The following MAP3K5 variants were observed in gnomAD, a reference collection of about 807,000 sequenced individuals.
MAP3K5 encodes the protein ASK-1.
Under a neutral mutation model 158.7 loss-of-function variants are expected in MAP3K5, and 56 were observed. The observed-to-expected ratio is 0.35, with a 90% CI of 0.28 to 0.44. The LOEUF (loss-of-function observed/expected upper bound fraction) is 0.44. Ranked by LOEUF, MAP3K5 falls within the 20% of genes least tolerant of loss-of-function variation. The pLI, the probability that MAP3K5 is intolerant of heterozygous loss-of-function variation, is 1.00. For synonymous variants in MAP3K5, 579 were observed against 601.7 expected (o/e 0.96, Z 0.55); for missense variants, 1,294 against 1,674.8 (o/e 0.77, Z 3.97).
At chr6:136,701,754 G>A (rs572887348) in intron 3 of MAP3K5, among the ~76,000 whole-genome samples, 2 of 152,218 alleles carry the variant, frequency 1.3e-5, no homozygotes, top group Admixed American at 6.5e-5. Context: ...AATTACAAAC[G>A]AAAATTATCT....
chr6:136,711,092 G>T (rs903143019), intron 2 of MAP3K5, among the ~76,000 whole-genome samples: 1 of 151,966 alleles, frequency 6.6e-6, no homozygotes, highest in Non-Finnish European at 1.5e-5. Context: ...ATAGAGCCGT[G>T]ACACAGAGTC....
rs1054765704 is a variant in MAP3K5, at chr6:136,789,666, G to A, written c.448+2044C>T. Among the ~76,000 whole-genome samples the A allele has an allele frequency of 7.3e-4, 98 of 134,336 alleles. No individual in the cohort carries two copies. In the East Asian group the frequency reaches 0.02, roughly 27 times the overall value. 88.1% of individuals were successfully genotyped at this position (134,336 alleles called of 152,430 possible). Reference sequence around the variant, plus strand: ...CCTAAATGGAGGAAGCAAGGGCCAAGCACAACCTCTTTTTTTTTTTTTTTT... The same window carrying A: ...CCTAAATGGAGGAAGCAAGGGCCAAACACAACCTCTTTTTTTTTTTTTTTT... On this transcript the variant is annotated intron_variant, in intron 1 of 29. Coordinates refer to ENST00000359015, the MANE Select transcript of MAP3K5 (RefSeq NM_005923.4).
intron 1 of MAP3K5, among the ~76,000 whole-genome samples, chr6:136,770,295 T>G (rs1784145676): frequency 6.6e-6 from 1 of 152,140 alleles, no homozygotes; most frequent in East Asian, 1.9e-4. Flanking sequence ...GTGCACTGTT[T>G]ATAATAGCAA....
chr6:136,563,862 ACT>A (rs1423270818), intron 26 of MAP3K5, among the ~76,000 whole-genome samples: 3 of 152,084 alleles, frequency 2.0e-5, no homozygotes, highest in Admixed American at 6.6e-5. Context: ...CTCTTAACAA[ACT>A]CTATTTGTTT....
chr6:136,574,518 T>A (rs1774511998), intron 25 of MAP3K5, among the ~76,000 whole-genome samples: 1 of 152,086 alleles, frequency 6.6e-6, no homozygotes, highest in African/African-American at 2.4e-5. Context: ...CATTACTCCA[T>A]CTGGTCACCC....
intron 8 of MAP3K5, among the ~76,000 whole-genome samples, chr6:136,665,498 C>CA (rs539289740): frequency 0.012 from 1,797 of 152,146 alleles, 18 homozygotes; most frequent in Non-Finnish European, 0.021. Flanking sequence ...AGAAGCATGC[C>CA]ACCACACCGG....
chr6:136,735,620 G>A (rs1003753495), intron 1 of MAP3K5, among the ~76,000 whole-genome samples: 1 of 152,028 alleles, frequency 6.6e-6, no homozygotes. Context: ...GCTTGAGTTC[G>A]GGAGTTTGAG....
At chr6:136,721,779 A>G (rs1278370968) in intron 1 of MAP3K5, among the ~76,000 whole-genome samples, 1 of 152,226 alleles carries the variant, frequency 6.6e-6, no homozygotes, top group Non-Finnish European at 1.5e-5. Context: ...GCTACTCAGG[A>G]GGCTGAGTTG....
Position 136,613,149 on chromosome 6 carries a change from C to T in MAP3K5, c.2386G>A (p.Asp796Asn), listed in dbSNP as rs1356306234. 1.2e-6 allele frequency: 2 copies of T among 1,612,328 alleles called. No homozygotes were observed. The highest frequency in any genetic ancestry group is 1.7e-6 in the Non-Finnish European group (2 of 1,179,338). Residue 796 changes from aspartate to asparagine, a missense_variant, in exon 17 of 30, where the codon GAC (aspartate) becomes AAC (asparagine). Asp to Asn is a conservative substitution (Grantham distance 23). Around this residue, in one of 5 missense-constraint regions of MAP3K5, gnomAD observed 362 missense variants for 463.2 expected, o/e 0.78. Transcript: ENST00000359015. This position sits in a 1 kb window ranked among gnomAD's most constrained non-coding sequence, Gnocchi z 4.0. ...ATGTCCCGGTGAACTATCTGATTGT[C>T]ATGGAGATATTTTAATCCTTCCAGT... ...QILEGLKYLH[D>N]NQIVHRDIKG...
intron 26 of MAP3K5, among the ~76,000 whole-genome samples, chr6:136,563,475 T>C (rs1830606574): frequency 2.0e-5 from 3 of 152,192 alleles, no homozygotes; most frequent in Admixed American, 1.3e-4. Context: ...ATGTTCACGG[T>C]TGTTGCTACA....
intron 3 of MAP3K5, among the ~76,000 whole-genome samples, chr6:136,704,742 C>T (rs577349364): frequency 1.3e-4 from 20 of 152,204 alleles, no homozygotes; most frequent in Admixed American, 3.9e-4. Flanking sequence ...GATGGGGTTT[C>T]ACCATGTTGC....
chr6:136,603,176 C>T (rs1583255676), intron 19 of MAP3K5, among the ~76,000 whole-genome samples: 1 of 139,458 alleles, frequency 7.2e-6, no homozygotes, highest in South Asian at 2.3e-4. Flanking sequence ...TATACAGGTA[C>T]TTTTTTTTTT....
intron 15 of MAP3K5, among the ~76,000 whole-genome samples, chr6:136,617,884 G>A (rs1360024614): frequency 6.6e-6 from 1 of 152,116 alleles, no homozygotes; most frequent in African/African-American, 2.4e-5. Context: ...AGTGAGCCGA[G>A]ATCGCGCCAC....
At chr6:136,670,054 G>A (rs1779416669) in intron 7 of MAP3K5, among the ~76,000 whole-genome samples, 1 of 152,028 alleles carries the variant, frequency 6.6e-6, no homozygotes, top group African/African-American at 2.4e-5. Context: ...ATATAAAAAT[G>A]AAATAAACTG....
Position 136,570,505 on chromosome 6 carries a change from A to G in MAP3K5, c.3518-2631T>C, listed in dbSNP as rs563794587. On this transcript the variant is annotated intron_variant, in intron 25 of 29. Coordinates refer to ENST00000359015, the MANE Select transcript of MAP3K5 (RefSeq NM_005923.4). ...TAACATCTAGAACATCCTGGACATT[A>G]CTGTTCGGTAGGCACCTTAAAGTCA... Among the ~76,000 whole-genome samples, 11 of 152,312 alleles carry G rather than the reference A, an allele frequency of 7.2e-5. No homozygotes were observed. In the South Asian group the frequency reaches 2.1e-3, roughly 29 times the overall value.
intron 1 of MAP3K5, among the ~76,000 whole-genome samples, chr6:136,743,406 C>T (rs959694776): frequency 2.8e-4 from 42 of 148,276 alleles, no homozygotes; most frequent in Admixed American, 2.3e-3. Flanking sequence ...GCCAAGATCG[C>T]GAAACTGCAC....
Position 136,786,351 on chromosome 6 carries a change from C to A in MAP3K5, c.448+5359G>T, listed in dbSNP as rs1784842502. On this transcript the variant is annotated intron_variant, in intron 1 of 29. Coordinates refer to ENST00000359015, the MANE Select transcript of MAP3K5 (RefSeq NM_005923.4). ...CCGAGATCGAGCCACTGCACTCCAG[C>A]CTGCGTGACAAGAGCAAAACTCCAT... 1.3e-5 allele frequency among the ~76,000 whole-genome samples: 2 copies of A among 149,182 alleles called. 1 individual carries two copies. The highest frequency in any genetic ancestry group is 4.2e-4 in the South Asian group (2 of 4,734).
In MAP3K5 at chr6:136,613,598, T is replaced by G. The variant is rs959139638; in HGVS notation, c.2279-342A>C. Among the ~76,000 whole-genome samples, 2 of 152,164 alleles carry G rather than the reference T, an allele frequency of 1.3e-5. No individual in the cohort carries two copies. The highest frequency in any genetic ancestry group is 4.8e-5 in the African/African-American group (2 of 41,446). Reference sequence around the variant, plus strand: ...CTTTAAATTATTTGAGCCTTATTATTTAAGGAATGTGACTTTGTGGCCTGA... The same window carrying G: ...CTTTAAATTATTTGAGCCTTATTATGTAAGGAATGTGACTTTGTGGCCTGA... On this transcript the variant is annotated intron_variant, in intron 16 of 29. Coordinates refer to ENST00000359015, the MANE Select transcript of MAP3K5 (RefSeq NM_005923.4). This position sits in a 1 kb window ranked among gnomAD's most constrained non-coding sequence, Gnocchi z 4.0.
intron 1 of MAP3K5, among the ~76,000 whole-genome samples, chr6:136,723,807 T>C (rs1464239129): frequency 6.6e-6 from 1 of 152,126 alleles, no homozygotes; most frequent in South Asian, 2.1e-4. Context: ...GGAAGACAGG[T>C]CAAAGGAGCT....
Sources: allele counts gnomAD v4.1 joint callset (sites outside exome capture counted in the v4.1 genomes callset), GRCh38; gene constraint gnomAD v4.1.1; regional missense constraint gnomAD v4.1.1; non-coding constraint Gnocchi (gnomAD v3.1); transcripts MANE v1.5; gene names NCBI Gene and HGNC (gene_info 2026-07-23, HGNC 2026-07-21).